The following CACNA1C variants were observed in gnomAD, a reference collection of about 807,000 sequenced individuals.
The protein encoded by CACNA1C is calcium voltage-gated channel subunit alpha1 C.
A neutral mutation model predicts 229.0 loss-of-function variants in CACNA1C; 30 were observed. The observed-to-expected ratio is 0.13, with a 90% confidence interval of 0.10 to 0.18. The LOEUF (loss-of-function observed/expected upper bound fraction) is 0.18, where lower values mean the gene tolerates loss of function less well. Among genes scored for constraint, CACNA1C ranks in the 10% least tolerant of loss-of-function variants. CACNA1C has a pLI of 1.00. For synonymous variants in CACNA1C, 1,114 were observed against 1,132.5 expected (o/e 0.98, Z 0.33); for missense variants, 1,658 against 2,845.0 (o/e 0.58, Z 9.49).
At chr12:2,621,689 A>T (rs1253681719) in intron 29 of CACNA1C, among the ~76,000 whole-genome samples, 1 of 152,182 alleles carries the variant, frequency 6.6e-6, no homozygotes, top group African/African-American at 2.4e-5. Context: ...CAGAGTCATG[A>T]CATCACTGGA....
chr12:2,678,914 G>A lies in CACNA1C; in HGVS notation c.5092-530G>A, dbSNP rs2096965165. On this transcript the variant is annotated intron_variant, in intron 41 of 46. Coordinates refer to ENST00000399655, the MANE Select transcript of CACNA1C (RefSeq NM_000719.7). This position sits in a 1 kb window ranked among gnomAD's most constrained non-coding sequence, Gnocchi z 4.1. ...GTTTTAAATCTCTCTGAGTCCCCGAGGGGAAAAAGACCATCATGCAGGAAA... is the reference window on the plus strand; with the variant it reads ...GTTTTAAATCTCTCTGAGTCCCCGAAGGGAAAAAGACCATCATGCAGGAAA... Among the ~76,000 whole-genome samples the A allele has an allele frequency of 6.6e-6, 1 of 152,218 alleles. No individual in the cohort carries two copies. Among genetic ancestry groups the A allele is most frequent in the Admixed American group, 6.5e-5 (1 of 15,284 alleles).
rs2097853088 is a variant in CACNA1C at position 2,697,819 on chromosome 12, G to C, written c.*6620G>C. The C allele has an allele frequency of 1.3e-5, 2 of 152,446 alleles. No homozygotes were observed. Among genetic ancestry groups the C allele is most frequent in the South Asian group, 4.2e-4 (2 of 4,816 alleles). The allele number at this position is 152,446 out of a possible 1,614,324, so 9.4% of individuals were successfully genotyped here. ...GGCAACCCTTCAAGGAGAGCTTCAG[G>C]GTCATCTCTGTGTGAGACACTATTG... On this transcript the variant is annotated 3_prime_UTR_variant, in exon 47 of 47. Transcript: ENST00000399655.
intron 30 of CACNA1C, among the ~76,000 whole-genome samples, chr12:2,638,192 A>G (rs991584166): frequency 2.0e-5 from 3 of 152,220 alleles, no homozygotes; most frequent in African/African-American, 7.2e-5. Flanking sequence ...AAGATGATAG[A>G]CGTTTTAGGA....
chr12:2,151,832 A>T (rs2095288706), intron 3 of CACNA1C, among the ~76,000 whole-genome samples: 1 of 152,154 alleles, frequency 6.6e-6, no homozygotes, highest in South Asian at 2.1e-4. Context: ...ATTCTGATGC[A>T]CGGGTGGATG....
intron 30 of CACNA1C, among the ~76,000 whole-genome samples, chr12:2,648,065 G>A (rs2094528574): frequency 6.6e-6 from 1 of 152,100 alleles, no homozygotes; most frequent in Non-Finnish European, 1.5e-5. Context: ...TTGAGCCCAG[G>A]AGTTCAAGGC....
At chr12:2,447,374 C>G (rs908515101) in intron 3 of CACNA1C, among the ~76,000 whole-genome samples, 1 of 152,090 alleles carries the variant, frequency 6.6e-6, no homozygotes, top group East Asian at 1.9e-4. Flanking sequence ...GAAATCTGAC[C>G]CCTGCACTCC....
intron 1 of CACNA1C, among the ~76,000 whole-genome samples, chr12:2,092,613 G>C (rs1158074760): frequency 6.6e-6 from 1 of 152,172 alleles, no homozygotes; most frequent in African/African-American, 2.4e-5. Flanking sequence ...TCAGTGGCTG[G>C]GGAAGGAGAG....
chr12:2,212,700 C>T (rs2097961423), intron 3 of CACNA1C, among the ~76,000 whole-genome samples: 1 of 152,172 alleles, frequency 6.6e-6, no homozygotes, highest in South Asian at 2.1e-4. Context: ...TGCCCCTTCC[C>T]CACTTCCTCT....
At chr12:2,037,162 A>C (rs991797961) in intron 1 of CACNA1C, among the ~76,000 whole-genome samples, 1 of 152,184 alleles carries the variant, frequency 6.6e-6, no homozygotes, top group African/African-American at 2.4e-5. Flanking sequence ...TGCCTCATCT[A>C]TACATAGGAG....
At chr12:2,121,813 C>A (rs2086888440) in intron 3 of CACNA1C, among the ~76,000 whole-genome samples, 1 of 152,244 alleles carries the variant, frequency 6.6e-6, no homozygotes, top group South Asian at 2.1e-4. Context: ...ATGGTCCTCC[C>A]AACCCTCCTA....
chr12:2,412,550 A>T (rs973403453), intron 3 of CACNA1C, among the ~76,000 whole-genome samples: 1 of 152,212 alleles, frequency 6.6e-6, no homozygotes, highest in Non-Finnish European at 1.5e-5. Flanking sequence ...GGCTCGGGAG[A>T]AAGCACATTG....
rs1461636115 is a variant in CACNA1C at position 2,354,203 on chromosome 12, C to T, written c.478-94773C>T. On this transcript the variant is annotated intron_variant, in intron 3 of 46. Coordinates refer to ENST00000399655, the MANE Select transcript of CACNA1C (RefSeq NM_000719.7). This position sits in a 1 kb window ranked among gnomAD's most constrained non-coding sequence, Gnocchi z 4.6. ...GTGGAAGCCCCGCCTTTCATGTGGG[C>T]CCCGCACAGTTAGGCTGCCCGAGTC... Among the ~76,000 whole-genome samples the T allele has an allele frequency of 6.6e-6, 1 of 152,188 alleles. No homozygotes were observed. Among genetic ancestry groups the T allele is most frequent in the Admixed American group, 6.5e-5 (1 of 15,284 alleles).
intron 6 of CACNA1C, among the ~76,000 whole-genome samples, chr12:2,492,039 T>C (rs1402136367): frequency 6.6e-6 from 1 of 152,130 alleles, no homozygotes; most frequent in Non-Finnish European, 1.5e-5. Context: ...CATTTATTTG[T>C]TGGAACTGGG....
chr12:2,472,465 A>G (rs2099598309), intron 5 of CACNA1C, among the ~76,000 whole-genome samples: 1 of 151,884 alleles, frequency 6.6e-6, no homozygotes, highest in East Asian at 1.9e-4. Context: ...GTTCCTTTTT[A>G]TAGTTCCCAT....
At chr12:2,472,848 A>G (rs1201805510) in intron 5 of CACNA1C, among the ~76,000 whole-genome samples, 4 of 152,230 alleles carry the variant, frequency 2.6e-5, no homozygotes, top group Admixed American at 2.6e-4. Context: ...ATCAGCAGAC[A>G]GTTTACCATG....
intron 29 of CACNA1C, among the ~76,000 whole-genome samples, chr12:2,616,550 C>G (rs1048051321): frequency 1.3e-5 from 2 of 152,254 alleles, no homozygotes; most frequent in Non-Finnish European, 2.9e-5. Context: ...TGAGCTGGCC[C>G]TAAGAAGGCA....
At chr12:2,282,509 C>T (rs554334675) in intron 3 of CACNA1C, among the ~76,000 whole-genome samples, 2 of 152,290 alleles carry the variant, frequency 1.3e-5, no homozygotes, top group South Asian at 2.1e-4. Context: ...AACTCAGGCT[C>T]CCCTGTAGGC....
At position 2,616,549 on chromosome 12, in the gene CACNA1C, C is replaced by T. The variant is rs778795062; in HGVS notation, c.3828+4536C>T. On this transcript the variant is annotated intron_variant, in intron 29 of 46. Transcript: ENST00000399655. ...CTTTCCCACCCAGTCCTGAGCTGGC[C>T]CTAAGAAGGCAGCAAGCGCAGGTGA... 7.9e-5 allele frequency among the ~76,000 whole-genome samples: 12 copies of T among 152,338 alleles called. No individual in the cohort carries two copies. The Middle Eastern group carries it at 0.01, about 130-fold the overall frequency.
chr12:2,364,940 C>T (rs569602402), intron 3 of CACNA1C, among the ~76,000 whole-genome samples: 7 of 152,266 alleles, frequency 4.6e-5, no homozygotes, highest in African/African-American at 9.6e-5. Flanking sequence ...TGGGCCTCTG[C>T]GGTGAATTTA....
Sources: allele counts gnomAD v4.1 joint callset (sites outside exome capture counted in the v4.1 genomes callset), GRCh38; gene constraint gnomAD v4.1.1; non-coding constraint Gnocchi (gnomAD v3.1); transcripts MANE v1.5; gene names NCBI Gene and HGNC (gene_info 2026-07-23, HGNC 2026-07-21).